ABLIM2: variants seen among roughly 807,000 people sequenced by gnomAD.
ABLIM2 encodes the protein actin-binding LIM protein 2.
Under a neutral mutation model 97.7 loss-of-function variants are expected in ABLIM2, and 53 were observed. The ratio of observed to expected loss-of-function variants is 0.54; its 90% CI spans 0.44 to 0.68. ABLIM2 has a LOEUF of 0.68. ABLIM2 is among the 30% of genes least tolerant of loss of function. ABLIM2 has a pLI of 0.00. For synonymous variants in ABLIM2, 361 were observed against 345.8 expected (o/e 1.04, Z -0.49); for missense variants, 835 against 867.2 (o/e 0.96, Z 0.47).
At chr4:8,025,713 C>T (rs1006895330) in intron 12 of ABLIM2, among the ~76,000 whole-genome samples, 5 of 152,056 alleles carry the variant, frequency 3.3e-5, no homozygotes, top group Admixed American at 2.6e-4. Flanking sequence ...GCCTGGGGAG[C>T]GGGGTGAGCC....
At position 8,026,369 on chromosome 4, in the gene ABLIM2, T is replaced by C. The variant is rs1333257166; in HGVS notation, c.1267+1390A>G. 2.6e-5 allele frequency among the ~76,000 whole-genome samples: 4 copies of C among 152,120 alleles called. No homozygotes were observed. In the East Asian group the frequency reaches 7.8e-4, roughly 29 times the overall value. The stretch of plus-strand genomic sequence containing the variant: ...CTGTAGGGACAGGCCCTCAGAAAAA[T>C]GAGGACGGCCATGTCCATCAATGGC... On this transcript the variant is annotated intron_variant, in intron 12 of 20. Coordinates refer to ENST00000447017, the MANE Select transcript of ABLIM2 (RefSeq NM_001130083.2).
At chr4:8,062,515 C>T (rs1803959310) in intron 6 of ABLIM2, among the ~76,000 whole-genome samples, 2 of 151,790 alleles carry the variant, frequency 1.3e-5, no homozygotes, top group Non-Finnish European at 2.9e-5. Flanking sequence ...TCTTGGATCA[C>T]TGCAAGCTCT....
intron 1 of ABLIM2, among the ~76,000 whole-genome samples, chr4:8,144,101 G>A (rs1578505600): frequency 1.3e-5 from 2 of 152,202 alleles, no homozygotes; most frequent in African/African-American, 4.8e-5. Flanking sequence ...CAAGTCCAGA[G>A]CAAAGTCCTG....
intron 1 of ABLIM2, among the ~76,000 whole-genome samples, chr4:8,107,681 A>C (rs780543196): frequency 1.6e-4 from 25 of 152,242 alleles, no homozygotes; most frequent in Non-Finnish European, 2.8e-4. Flanking sequence ...CTAGTGCTGC[A>C]GTCGGCAGAA....
At position 8,057,818 on chromosome 4, in the gene ABLIM2, C is replaced by A. The variant is rs1210173315; in HGVS notation, c.763+3149G>T. 2.6e-5 allele frequency among the ~76,000 whole-genome samples: 4 copies of A among 152,184 alleles called. No homozygotes were observed. In the East Asian group the frequency reaches 7.7e-4, roughly 29 times the overall value. On this transcript the variant is annotated intron_variant, in intron 7 of 20. Coordinates refer to ENST00000447017, the MANE Select transcript of ABLIM2 (RefSeq NM_001130083.2). ...CCCATGCTTTTCAGAGCCTTTATTGCAGCAGGATTTGCCAGCCAAATAACA... is the reference window on the plus strand; with the variant it reads ...CCCATGCTTTTCAGAGCCTTTATTGAAGCAGGATTTGCCAGCCAAATAACA...
At chr4:8,098,493 A>G (rs1294402035) in intron 2 of ABLIM2, among the ~76,000 whole-genome samples, 3 of 152,178 alleles carry the variant, frequency 2.0e-5, no homozygotes, top group African/African-American at 7.2e-5. Context: ...AAAACCCCCA[A>G]CAGAGCTCTG....
intron 1 of ABLIM2, among the ~76,000 whole-genome samples, chr4:8,111,143 C>T (rs181465767): frequency 3.9e-5 from 6 of 152,202 alleles, no homozygotes; most frequent in South Asian, 2.1e-4. Context: ...TGTATCCAGA[C>T]GATGAAATAT....
rs764506615 is a variant in ABLIM2, at chr4:8,155,137, G to A, written c.10+3543C>T. Reference sequence around the variant, plus strand: ...CACAGCCAGACCGTATCAGCTCATAGTAGGCATTTTGTGCATCTTTGCTGA... The same window carrying A: ...CACAGCCAGACCGTATCAGCTCATAATAGGCATTTTGTGCATCTTTGCTGA... On this transcript the variant is annotated intron_variant, in intron 1 of 20. Transcript: ENST00000447017. This position sits in a 1 kb window ranked among gnomAD's most constrained non-coding sequence, Gnocchi z 4.2. Among the ~76,000 whole-genome samples the A allele has an allele frequency of 9.1e-4, 139 of 152,216 alleles. 1 individual carries two copies. The highest frequency in any genetic ancestry group is 4.1e-4 in the South Asian group (2 of 4,828).
chr4:8,040,822 G>A (rs1787930928), intron 9 of ABLIM2, among the ~76,000 whole-genome samples: 1 of 152,188 alleles, frequency 6.6e-6, no homozygotes, highest in Non-Finnish European at 1.5e-5. Context: ...CAGGCTGGGT[G>A]CTGACCATGG....
chr4:8,122,469 C>A lies in ABLIM2; in HGVS notation c.11-15832G>T, dbSNP rs1845913066. On this transcript the variant is annotated intron_variant, in intron 1 of 20. Coordinates refer to ENST00000447017, the MANE Select transcript of ABLIM2 (RefSeq NM_001130083.2). This position sits in a 1 kb window ranked among gnomAD's most constrained non-coding sequence, Gnocchi z 4.1. Reference sequence around the variant, plus strand: ...GCATGCTCGGTCCCTGGTGAGGGCTCCCTTCCTGGCTTGCAGACAGCCGCC... The same window carrying A: ...GCATGCTCGGTCCCTGGTGAGGGCTACCTTCCTGGCTTGCAGACAGCCGCC... 6.6e-6 allele frequency among the ~76,000 whole-genome samples: 1 copy of A among 152,210 alleles called. No individual in the cohort carries two copies. The highest frequency in any genetic ancestry group is 6.5e-5 in the Admixed American group (1 of 15,290).
rs1781741703 is a variant in ABLIM2 at position 8,032,713 on chromosome 4, G to C, written c.1048-2937C>G. ...CACAACACACAAAGTGGCCATTAGT[G>C]CTGGCGCCAGGCAGAGAGGGAGGAG... On this transcript the variant is annotated intron_variant, in intron 10 of 20. Transcript: ENST00000447017. This position sits in a 1 kb window ranked among gnomAD's most constrained non-coding sequence, Gnocchi z 4.3. 1 of 1,611,970 alleles carries C rather than the reference G, an allele frequency of 6.2e-7. No homozygotes were observed. Among genetic ancestry groups the C allele is most frequent in the African/African-American group, 1.3e-5 (1 of 74,872 alleles).
At position 8,054,140 on chromosome 4, in the gene ABLIM2, G is replaced by A. The variant is rs1370688239; in HGVS notation, c.822+48C>T. 6.3e-7 allele frequency: 1 copy of A among 1,586,926 alleles called. No homozygotes were observed. ...GTCCTCTTAACTGTACAAAGATGGT[G>A]CAGGAGCAGTGAAGGGTACATCAGA... On this transcript the variant is annotated intron_variant, in intron 8 of 20. Transcript: ENST00000447017. The surrounding 1 kb of genome is among the most constrained non-coding windows in gnomAD (Gnocchi z 4.9).
intron 14 of ABLIM2, among the ~76,000 whole-genome samples, chr4:8,009,973 C>G (rs1431148078): frequency 6.6e-6 from 1 of 152,228 alleles, no homozygotes; most frequent in African/African-American, 2.4e-5. Flanking sequence ...TCTGCCACAC[C>G]TGGCTAACTG....
chr4:7,970,421 T>C lies in ABLIM2; in HGVS notation c.1825-3318A>G, dbSNP rs900351709. On this transcript the variant is annotated intron_variant, in intron 20 of 20. Coordinates refer to ENST00000447017, the MANE Select transcript of ABLIM2 (RefSeq NM_001130083.2). This position sits in a 1 kb window ranked among gnomAD's most constrained non-coding sequence, Gnocchi z 5.3. ...ACTTAAAGGGAGGAGGACTGGTGAG[T>C]GAGTGGTCTCTTGGGTTTAGCTGGC... is the stretch of plus-strand genomic sequence containing the variant. Among the ~76,000 whole-genome samples, 2 of 151,828 alleles carry C rather than the reference T, an allele frequency of 1.3e-5. No homozygotes were observed. Among genetic ancestry groups the C allele is most frequent in the African/African-American group, 4.8e-5 (2 of 41,372 alleles).
chr4:7,967,497 C>T (rs1003742125), intron 20 of ABLIM2, among the ~76,000 whole-genome samples: 1 of 152,216 alleles, frequency 6.6e-6, no homozygotes, highest in African/African-American at 2.4e-5. Context: ...GTCACAGCTG[C>T]CATCCGAGAG....
intron 9 of ABLIM2, among the ~76,000 whole-genome samples, chr4:8,039,519 G>C (rs1190259395): frequency 6.6e-6 from 1 of 152,200 alleles, no homozygotes; most frequent in African/African-American, 2.4e-5. Flanking sequence ...ACAACGGGCT[G>C]CACTCTCTAA....
chr4:8,097,140 G>A lies in ABLIM2; in HGVS notation c.297C>T (p.Gly99=). The A allele has an allele frequency of 6.2e-7, 1 of 1,611,508 alleles. No individual in the cohort carries two copies. Among genetic ancestry groups the A allele is most frequent in the African/African-American group, 1.3e-5 (1 of 75,016 alleles). ...FIEGEVVSAL[G]KTYHPDCFVC... ...CGAAGCAGTCGGGGTGGTAGGTCTT[G>A]CCCAGCGCCGACACCACCTCACCCT... The change falls in exon 3 of 21, where the codon GGC becomes GGT. Residue 99 remains glycine (G), a synonymous_variant. Transcript: ENST00000447017.
chr4:8,152,476 T>A (rs1172195781), intron 1 of ABLIM2, among the ~76,000 whole-genome samples: 2 of 152,224 alleles, frequency 1.3e-5, no homozygotes, highest in African/African-American at 4.8e-5. Context: ...CGGCACTTGA[T>A]GAGCCGCAGT....
chr4:8,086,000 G>A lies in ABLIM2; in HGVS notation c.454+2169C>T, dbSNP rs1320741986. Among the ~76,000 whole-genome samples, 1 of 152,190 alleles carries A rather than the reference G, an allele frequency of 6.6e-6. No homozygotes were observed. The highest frequency in any genetic ancestry group is 1.9e-4 in the East Asian group (1 of 5,188). On this transcript the variant is annotated intron_variant, in intron 4 of 20. Transcript: ENST00000447017. The surrounding 1 kb of genome is among the most constrained non-coding windows in gnomAD (Gnocchi z 6.1). ...ACAGGGCACTCCTGCACCTGCAGAA[G>A]AGCTCCTCCAGGCACAGCTGCTGAG...
Sources: gnomAD v4.1 joint callset for allele counts (sites outside exome capture counted in the v4.1 genomes callset) on GRCh38, gnomAD v4.1.1 for gene constraint, Gnocchi (gnomAD v3.1) non-coding constraint, MANE v1.5 for transcripts, NCBI Gene and HGNC (gene_info 2026-07-23, HGNC 2026-07-21) for gene names.